The following RAPGEF6 variants were observed in gnomAD, a reference collection of about 807,000 sequenced individuals.
RAPGEF6 encodes Rap guanine nucleotide exchange factor 6.
In RAPGEF6, 56 loss-of-function variants were observed where a neutral mutation model predicts 171.4. That is an observed-to-expected ratio of 0.33 (90% CI 0.26 to 0.41). The LOEUF (loss-of-function observed/expected upper bound fraction) is 0.41, where lower values mean the gene tolerates loss of function less well. RAPGEF6 is among the 10% of genes least tolerant of loss of function. The pLI, the probability that RAPGEF6 is intolerant of heterozygous loss-of-function variation, is 1.00. For synonymous variants in RAPGEF6, 692 were observed against 650.1 expected (o/e 1.06, Z -0.98); for missense variants, 1,674 against 1,921.4 (o/e 0.87, Z 2.41).
intron 4 of RAPGEF6, among the ~76,000 whole-genome samples, chr5:131,566,149 T>TAAAG (rs1489141963): frequency 3.4e-5 from 4 of 117,884 alleles, no homozygotes. Flanking sequence ...TCTGTCTCAA[T>TAAAG]AAAGAAAGAA....
chr5:131,473,174 G>C (rs1223273234), intron 16 of RAPGEF6, among the ~76,000 whole-genome samples: 2 of 152,054 alleles, frequency 1.3e-5, no homozygotes, highest in Admixed American at 6.6e-5. Flanking sequence ...CTAGGAAAAA[G>C]AGTCTACATT....
chr5:131,608,121 A>G (rs1764717340), intron 1 of RAPGEF6, among the ~76,000 whole-genome samples: 1 of 152,226 alleles, frequency 6.6e-6, no homozygotes, highest in Non-Finnish European at 1.5e-5. Context: ...TAGAAGAGAT[A>G]CTGCTAAACA....
chr5:131,435,861 G>T, intron 24 of RAPGEF6: 3 of 1,437,892 alleles, frequency 2.1e-6, no homozygotes, highest in East Asian at 2.5e-5. Flanking sequence ...TAAGTTGTCT[G>T]CCTAAGCTTT....
At chr5:131,582,181 C>T (rs990027051) in intron 4 of RAPGEF6, among the ~76,000 whole-genome samples, 4 of 152,212 alleles carry the variant, frequency 2.6e-5, no homozygotes, top group African/African-American at 9.6e-5. Flanking sequence ...GCAGGTAACA[C>T]ATACCACCTG....
At chr5:131,427,329 C>T in intron 27 of RAPGEF6, 38 bp from the exon 28 acceptor site, 2 of 1,509,460 alleles carry the variant, frequency 1.3e-6, no homozygotes, top group Admixed American at 1.7e-5. Context: ...GGCAGATCAG[C>T]ATATTAATGA....
intron 4 of RAPGEF6, among the ~76,000 whole-genome samples, chr5:131,569,534 T>C (rs918035669): frequency 4.6e-5 from 7 of 152,146 alleles, no homozygotes; most frequent in Middle Eastern, 6.8e-3. Context: ...CAAAAATATA[T>C]ATATACAAAC....
chr5:131,470,413 CCTCTT>C (rs1245713119), intron 17 of RAPGEF6, among the ~76,000 whole-genome samples: 1 of 152,146 alleles, frequency 6.6e-6, no homozygotes, highest in Admixed American at 6.5e-5. Flanking sequence ...ATAATTTCAA[CCTCTT>C]CTCTTTGTTC....
intron 20 of RAPGEF6, among the ~76,000 whole-genome samples, chr5:131,455,480 G>T (rs1366490529): frequency 6.6e-6 from 1 of 152,188 alleles, no homozygotes; most frequent in Admixed American, 6.5e-5. Context: ...GGATGGTCTT[G>T]ATCTCCCAAC....
At chr5:131,625,498 T>C (rs145129902) in intron 1 of RAPGEF6, among the ~76,000 whole-genome samples, 190 of 152,202 alleles carry the variant, frequency 1.2e-3, no homozygotes, top group African/African-American at 4.5e-3. Context: ...CCTGAACTAC[T>C]GTATTTGTTT....
At chr5:131,525,532 T>C (rs1373521936) in intron 6 of RAPGEF6, among the ~76,000 whole-genome samples, 1 of 152,156 alleles carries the variant, frequency 6.6e-6, no homozygotes, top group African/African-American at 2.4e-5. Flanking sequence ...CATTTATAGC[T>C]CTACTATGTA....
chr5:131,620,677 G>A (rs139455482), intron 1 of RAPGEF6, among the ~76,000 whole-genome samples: 1 of 151,164 alleles, frequency 6.6e-6, no homozygotes, highest in African/African-American at 2.4e-5. Flanking sequence ...TGCAACCTCC[G>A]CCTCCCAGGT....
At chr5:131,591,665 T>C (rs535368569) in intron 4 of RAPGEF6, among the ~76,000 whole-genome samples, 1 of 152,304 alleles carries the variant, frequency 6.6e-6, no homozygotes, top group East Asian at 1.9e-4. Context: ...TAGGTACCAT[T>C]ATTATTCCCA....
At chr5:131,607,114 T>C (rs867579785) in intron 1 of RAPGEF6, among the ~76,000 whole-genome samples, 9 of 152,170 alleles carry the variant, frequency 5.9e-5, no homozygotes, top group Non-Finnish European at 1.0e-4. Flanking sequence ...CCCTAAATAA[T>C]GGGTCCATGA....
intron 9 of RAPGEF6, 133 bp downstream of exon 9, chr5:131,507,938 C>A: frequency 1.2e-6 from 1 of 845,052 alleles, no homozygotes; most frequent in Non-Finnish European, 1.7e-6. Flanking sequence ...CTAACTCAAA[C>A]TTGGCATTTA....
rs543518767 is a variant in RAPGEF6, at chr5:131,521,382, G to T, written c.627+8C>A. ...ATATACGCAGCATACAAATTCCTAA[G>T]GTATTACCTGATAGATATCAGATAA... On this transcript the variant is annotated splice_region_variant and intron_variant, in intron 7 of 27. Coordinates refer to ENST00000509018, the MANE Select transcript of RAPGEF6 (RefSeq NM_016340.6). 6.3e-7 allele frequency: 1 copy of T among 1,595,656 alleles called. No individual in the cohort carries two copies. Among genetic ancestry groups the T allele is most frequent in the Non-Finnish European group, 8.5e-7 (1 of 1,172,884 alleles).
In RAPGEF6 at chr5:131,432,511, G is replaced by A. The variant is rs372309527; in HGVS notation, c.3974+919C>T. Among the ~76,000 whole-genome samples the A allele has an allele frequency of 2.3e-4, 35 of 152,224 alleles. 1 individual carries two copies. In the East Asian group the frequency reaches 6.4e-3, roughly 28 times the overall value. On this transcript the variant is annotated intron_variant, in intron 25 of 27. Coordinates refer to ENST00000509018, the MANE Select transcript of RAPGEF6 (RefSeq NM_016340.6). ...TGGGCGCCTGTAGTCCCAGCTACTC[G>A]GGAGGCTGAGGCAGGAGAACAGCGT...
Position 131,635,026 on chromosome 5 carries a change from T to A in RAPGEF6, c.5A>T (p.Asn2Ile). The change falls in exon 1 of 28, where the codon AAC (asparagine) becomes ATC (isoleucine). Residue 2 changes from asparagine to isoleucine, a missense_variant. Asn to Ile is a moderately radical substitution (Grantham distance 149, BLOSUM62 -3). Coordinates refer to ENST00000509018, the MANE Select transcript of RAPGEF6 (RefSeq NM_016340.6). M[N>I]SPVDPGARQA... ...CCTAGCGCCAGGGTCCACGGGTGAG[T>A]TCATGGCCACGGCCCGGGTACTCCG... The A allele has an allele frequency of 6.2e-7, 1 of 1,607,874 alleles. No individual in the cohort carries two copies. The highest frequency in any genetic ancestry group is 8.5e-7 in the Non-Finnish European group (1 of 1,175,318).
intron 5 of RAPGEF6, among the ~76,000 whole-genome samples, chr5:131,549,589 T>C (rs1414095924): frequency 6.6e-6 from 1 of 152,126 alleles, no homozygotes; most frequent in African/African-American, 2.4e-5. Context: ...CGAGTGCCTG[T>C]AGTCCCTGCT....
chr5:131,456,875 T>C (rs1248894172), intron 19 of RAPGEF6, among the ~76,000 whole-genome samples: 2 of 152,152 alleles, frequency 1.3e-5, no homozygotes, highest in Non-Finnish European at 2.9e-5. Flanking sequence ...AAATTTCATA[T>C]CCACCAAAAC....
Sources: allele counts gnomAD v4.1 joint callset (sites outside exome capture counted in the v4.1 genomes callset), GRCh38; gene constraint gnomAD v4.1.1; transcripts MANE v1.5; gene names NCBI Gene and HGNC (gene_info 2026-07-23, HGNC 2026-07-21).